KANK2: variants seen among roughly 807,000 people sequenced by gnomAD.
KANK2 encodes the protein KN motif and ankyrin repeat domain-containing protein 2.
In KANK2, 41 loss-of-function variants were observed where a neutral mutation model predicts 74.6. The observed-to-expected ratio is 0.55, with a 90% CI of 0.43 to 0.71. The LOEUF is 0.71. Among genes scored for constraint, KANK2 ranks in the 30% least tolerant of loss-of-function variants. KANK2 has a pLI of 0.00. For missense variants in KANK2, 1,148 were observed against 1,196.4 expected (o/e 0.96, Z 0.60); for synonymous variants, 537 against 519.0 (o/e 1.03, Z -0.47).
intron 4 of KANK2, among the ~76,000 whole-genome samples, chr19:11,179,936 C>T (rs1206464088): frequency 6.6e-6 from 1 of 152,246 alleles, no homozygotes; most frequent in Non-Finnish European, 1.5e-5. Context: ...TCTTGGCTCA[C>T]TGTAACCTGT....
chr19:11,173,014 G>A lies in KANK2; in HGVS notation c.2178C>T (p.Phe726=), dbSNP rs2147406868. Residue 726 remains phenylalanine, a synonymous_variant, in exon 10 of 13, where the codon TTC becomes TTT. Transcript: ENST00000586659. ...QDDIETVLQL[F]RLGNINAKAS... is the part of the protein sequence containing the mutation. ...CTTTGGCATTGATGTTGCCAAGCCG[G>A]AAGAGCTGAAGGACAGTCTCGATGT... is the stretch of plus-strand genomic sequence containing the variant. The A allele has an allele frequency of 1.2e-6, 2 of 1,614,082 alleles. No homozygotes were observed. The highest frequency in any genetic ancestry group is 2.2e-5 in the East Asian group (1 of 44,878).
intron 4 of KANK2, 49 bp downstream of exon 4, chr19:11,192,782 G>GGC: frequency 1.3e-6 from 2 of 1,543,194 alleles, no homozygotes; most frequent in Non-Finnish European, 1.7e-6. Flanking sequence ...GGAAGAAAGA[G>GGC]GCCCCCCCCC....
chr19:11,192,431 C>CTGT, intron 4 of KANK2: 2 of 159,090 alleles, frequency 1.3e-5, no homozygotes, highest in Non-Finnish European at 2.3e-5. Flanking sequence ...CCTTGGCATT[C>CTGT]TTTTTTTTTT....
chr19:11,170,086 G>A lies in KANK2; in HGVS notation c.2374C>T (p.Leu792=), dbSNP rs1444107043. Residue 792 remains leucine (L), a synonymous_variant, in exon 11 of 13, where the codon CTG becomes TTG. Coordinates refer to ENST00000586659, the MANE Select transcript of KANK2 (RefSeq NM_001136191.3). This position sits in a 1 kb window ranked among gnomAD's most constrained non-coding sequence, Gnocchi z 5.2. ...GAGATGTCACAGCTGGGCACGGCCA[G>A]CAGCAGCCCCGCGATCTCCTTGTGG... ...HGHKEIAGLL[L]AVPSCDISLT... is the part of the protein sequence containing the mutation. The A allele has an allele frequency of 1.2e-6, 2 of 1,613,660 alleles. No homozygotes were observed. Among genetic ancestry groups the A allele is most frequent in the South Asian group, 2.2e-5 (2 of 91,082 alleles).
Position 11,178,500 on chromosome 19 carries a change from G to C in KANK2, c.1417+53C>G, listed in dbSNP as rs187566140. 4.2e-4 allele frequency: 677 copies of C among 1,601,118 alleles called. 5 individuals carry two copies. The African/African-American group carries it at 7.3e-3, about 17-fold the overall frequency. On this transcript the variant is annotated intron_variant, in intron 5 of 12. Coordinates refer to ENST00000586659, the MANE Select transcript of KANK2 (RefSeq NM_001136191.3). ...TGAGAGTCCTTCAGGGCCAGACTCC[G>C]AACTGGCGCCATCCCGGTGCCCCGT...
chr19:11,178,818 C>T, intron 4 of KANK2, 98 bp from the exon 5 acceptor site: 1 of 1,158,620 alleles, frequency 8.6e-7, no homozygotes, highest in Non-Finnish European at 1.2e-6. Context: ...TGTAACAGGG[C>T]TGATTTTTGT....
At chr19:11,179,003 C>T (rs985401408) in intron 4 of KANK2, among the ~76,000 whole-genome samples, 5 of 152,112 alleles carry the variant, frequency 3.3e-5, no homozygotes, top group Non-Finnish European at 5.9e-5. Flanking sequence ...ATTCCTGGCT[C>T]GAGCCTGAGT....
At chr19:11,173,189 GA>G in intron 9 of KANK2, 66 bp from the exon 10 acceptor site, 4 of 1,535,072 alleles carry the variant, frequency 2.6e-6, no homozygotes, top group Non-Finnish European at 3.5e-6. Flanking sequence ...AAGGAACGTG[GA>G]TACCACGTCT....
In KANK2 at chr19:11,178,625, T is replaced by G; in HGVS notation, c.1345A>C (p.Thr449Pro). Reference sequence around the variant, plus strand: ...GGCTCCCTGTGGGTGGGCTCCTGGGTGGGCACTCGGCCTGTGCTCTTCTCA... The same window carrying G: ...GGCTCCCTGTGGGTGGGCTCCTGGGGGGGCACTCGGCCTGTGCTCTTCTCA... ...QPEKSTGRVP[T>P]QEPTHREPTR... is the part of the protein sequence containing the mutation. Residue 449 changes from threonine (T) to proline (P), a missense_variant, in exon 5 of 13, where the codon ACC becomes CCC. Physicochemically the swap from Thr to Pro is conservative, Grantham distance 38. Transcript: ENST00000586659. 1 of 1,596,948 alleles carries G rather than the reference T, an allele frequency of 6.3e-7. No individual in the cohort carries two copies. The highest frequency in any genetic ancestry group is 8.5e-7 in the Non-Finnish European group (1 of 1,173,732).
intron 10 of KANK2, among the ~76,000 whole-genome samples, chr19:11,172,598 G>A (rs1197907207): frequency 1.3e-5 from 2 of 152,142 alleles, no homozygotes; most frequent in Admixed American, 6.5e-5. Flanking sequence ...TTCCCCTGGC[G>A]GTTTCCTGCA....
intron 12 of KANK2, chr19:11,169,587 G>A (rs2078114169): frequency 3.7e-6 from 2 of 544,632 alleles, no homozygotes. Flanking sequence ...TGGATCACGA[G>A]GTCAGGAGTT....
At chr19:11,174,157 G>A (rs2147420467) in intron 9 of KANK2, among the ~76,000 whole-genome samples, 1 of 150,904 alleles carries the variant, frequency 6.6e-6, no homozygotes, top group South Asian at 2.1e-4. Flanking sequence ...CTGGGAGGGT[G>A]GCATCTCCTC....
intron 3 of KANK2, 77 bp from the exon 4 acceptor site, chr19:11,194,119 A>G (rs1047549007): frequency 2.7e-6 from 4 of 1,467,270 alleles, no homozygotes; most frequent in Non-Finnish European, 3.7e-6. Flanking sequence ...GCCTGGGGAG[A>G]GTTGGGGTTT....
chr19:11,182,298 G>A (rs1326662315), intron 4 of KANK2, among the ~76,000 whole-genome samples: 2 of 151,566 alleles, frequency 1.3e-5, no homozygotes, highest in Admixed American at 6.6e-5. Context: ...CAGGAGGATC[G>A]CTTGAGGCCA....
intron 12 of KANK2, chr19:11,169,652 T>A: frequency 1.7e-6 from 1 of 585,482 alleles, no homozygotes; most frequent in Non-Finnish European, 3.0e-6. Context: ...AATACAAAAA[T>A]TAGCCGGGTG....
chr19:11,193,822 C>A lies in KANK2; in HGVS notation c.258G>T (p.Ser86=), dbSNP rs755238. Residue 86 remains serine, a synonymous_variant, in exon 4 of 13, where the codon TCG becomes TCT. Coordinates refer to ENST00000586659, the MANE Select transcript of KANK2 (RefSeq NM_001136191.3). The surrounding 1 kb of genome is among the most constrained non-coding windows in gnomAD (Gnocchi z 9.6). ...TGTCCCCACTGGCATTGGAGCACAG[C>A]GACTCAGTGGACGTCCACCAGGAGC... ...GPGSWWTSTE[S]LCSNASGDSR... 2 of 1,612,622 alleles carry A rather than the reference C, an allele frequency of 1.2e-6. No homozygotes were observed. Among genetic ancestry groups the A allele is most frequent in the Non-Finnish European group, 8.5e-7 (1 of 1,179,624 alleles).
Position 11,193,155 on chromosome 19 carries a change from G to T in KANK2, c.925C>A (p.Arg309=). 1 of 1,608,914 alleles carries T rather than the reference G, an allele frequency of 6.2e-7. No individual in the cohort carries two copies. Among genetic ancestry groups the T allele is most frequent in the Non-Finnish European group, 8.5e-7 (1 of 1,178,062 alleles). The change falls in exon 4 of 13, where the codon CGG becomes AGG. Residue 309 remains arginine, a synonymous_variant. Transcript: ENST00000586659. The surrounding 1 kb of genome is among the most constrained non-coding windows in gnomAD (Gnocchi z 9.6). ...ALQELQAAQA[R]QADPQPQAWP... is the part of the protein sequence containing the mutation. ...GCCTGGGGCTGGGGGTCAGCCTGCC[G>T]GGCCTGAGCTGCCTGCAGCTCCTGC...
Position 11,193,593 on chromosome 19 carries a change from C to A in KANK2, c.487G>T (p.Gly163Trp). 2 of 1,584,660 alleles carry A rather than the reference C, an allele frequency of 1.3e-6. No homozygotes were observed. The highest frequency in any genetic ancestry group is 8.6e-7 in the Non-Finnish European group (1 of 1,167,072). ...CTCCGTGGTGTCGGGGGTGGCAACC[C>A]CACGCCCACCAGGGAGGCTGTCGAG... ...AGSTASLVGVGLPPPTPRSSG... is the reference protein window; with the variant it reads ...AGSTASLVGVWLPPPTPRSSG... Residue 163 changes from glycine (G) to tryptophan (W), a missense_variant, in exon 4 of 13, where the codon GGG becomes TGG. By Grantham distance (184) the Gly-to-Trp change is radical. Transcript: ENST00000586659. The surrounding 1 kb of genome is among the most constrained non-coding windows in gnomAD (Gnocchi z 9.6).
chr19:11,176,481 A>G (rs921895135), intron 7 of KANK2, 97 bp downstream of exon 7: 2 of 1,359,658 alleles, frequency 1.5e-6, no homozygotes, highest in Non-Finnish European at 2.0e-6. Flanking sequence ...TGCATGACTG[A>G]TAGGAGGGTC....
Sources: allele counts gnomAD v4.1 joint callset (sites outside exome capture counted in the v4.1 genomes callset), GRCh38; gene constraint gnomAD v4.1.1; non-coding constraint Gnocchi (gnomAD v3.1); transcripts MANE v1.5; gene names NCBI Gene and HGNC (gene_info 2026-07-23, HGNC 2026-07-21).